The following FADS6 variants were observed in gnomAD, a reference collection of about 807,000 sequenced individuals.
The protein encoded by FADS6 is fatty acid desaturase domain family, member 6.
Under a neutral mutation model 31.7 loss-of-function variants are expected in FADS6, and 28 were observed. The ratio of observed to expected loss-of-function variants is 0.88; its 90% CI spans 0.66 to 1.21. The LOEUF (loss-of-function observed/expected upper bound fraction) is 1.21, where lower values mean the gene tolerates loss of function less well. Ranked by LOEUF, FADS6 falls within the 50% of genes most tolerant of loss-of-function variation. The pLI is 0.00. For missense variants in FADS6, 494 were observed against 504.2 expected, an observed-to-expected ratio of 0.98 and a Z score of 0.19; for synonymous variants, 191 against 213.1, an observed-to-expected ratio of 0.90 and a Z score of 0.90.
rs776083045 is a variant in FADS6 at position 74,892,580 on chromosome 17, A to G, written c.354T>C (p.His118=). 2 of 1,613,504 alleles carry G rather than the reference A, an allele frequency of 1.2e-6. No homozygotes were observed. The highest frequency in any genetic ancestry group is 2.2e-5 in the East Asian group (1 of 44,864). ...LTVKGSHLAT[H]GALTESKRWS... The stretch of plus-strand genomic sequence containing the variant: ...AGCGTTTGGACTCGGTGAGGGCCCC[A>G]TGAGTGGCCAGGTGGCTGCCCTTGA... Residue 118 remains histidine, a synonymous_variant, in exon 2 of 6, where the codon CAT becomes CAC. Transcript: ENST00000612771.
Position 74,892,827 on chromosome 17 carries a change from G to T in FADS6, c.245-138C>A, listed in dbSNP as rs1017971347. On this transcript the variant is annotated intron_variant, in intron 1 of 5. Transcript: ENST00000612771. ...GCTGCCACTGGCCGGAGTGAGGCAGGTCCCACTGTGGCCTGAGGGGAACCA... is the reference window on the plus strand; with the variant it reads ...GCTGCCACTGGCCGGAGTGAGGCAGTTCCCACTGTGGCCTGAGGGGAACCA... 7.2e-6 allele frequency: 6 copies of T among 838,924 alleles called. No homozygotes were observed. In the Admixed American group the frequency reaches 1.2e-4, roughly 16 times the overall value. 52.0% of individuals were successfully genotyped at this position (838,924 alleles called of 1,614,324 possible). A position where few individuals can be genotyped will look rare whatever the true frequency, so the allele number is the denominator to read the frequency against.
intron 4 of FADS6, 77 bp from the exon 5 acceptor site, chr17:74,879,660 A>G (rs1648416608): frequency 6.8e-7 from 1 of 1,464,738 alleles, no homozygotes; most frequent in African/African-American, 1.4e-5. Context: ...ACCTCATGCT[A>G]CCCAGAGGGT....
In FADS6 at chr17:74,892,201, C is replaced by G. The variant is rs1319104320; in HGVS notation, c.411+322G>C. Among the ~76,000 whole-genome samples the G allele has an allele frequency of 4.6e-5, 7 of 152,296 alleles. No homozygotes were observed. The South Asian group carries it at 1.2e-3, about 27-fold the overall frequency. On this transcript the variant is annotated intron_variant, in intron 2 of 5. Coordinates refer to ENST00000612771, the MANE Select transcript of FADS6 (RefSeq NM_178128.6). ...TTGTGGACACTGGGCCCCTCCTCCC[C>G]CTCCCTTTCTGTCTGTGGGTCACAT...
intron 5 of FADS6, 36 bp from the exon 6 acceptor site, chr17:74,878,513 G>C (rs201088221): frequency 1.2e-5 from 20 of 1,608,668 alleles, no homozygotes; most frequent in Non-Finnish European, 1.5e-5. Context: ...CCTATGAGCA[G>C]GGGCTGTGGG....
At chr17:74,881,563 G>C (rs1350195004) in intron 3 of FADS6, among the ~76,000 whole-genome samples, 1 of 151,772 alleles carries the variant, frequency 6.6e-6, no homozygotes, top group African/African-American at 2.4e-5. Context: ...GCTGGGCGTC[G>C]TGGCGCACAC....
chr17:74,883,414 T>C (rs1254136067), intron 2 of FADS6, among the ~76,000 whole-genome samples: 1 of 152,200 alleles, frequency 6.6e-6, no homozygotes, highest in Non-Finnish European at 1.5e-5. Context: ...CCTCTTCCGA[T>C]ATTTTATCTA....
rs372130393 is a variant in FADS6, at chr17:74,879,494, G to A, written c.870C>T (p.Pro290=). Residue 290 remains proline (P), a synonymous_variant, in exon 5 of 6, where the codon CCC becomes CCT. Coordinates refer to ENST00000612771, the MANE Select transcript of FADS6 (RefSeq NM_178128.6). ...AGTGGCCGAACGCCCAGTCCAGCAC[G>A]GGCAGCCGGGCCAGGTTAAGCACCC... ...SLGVLNLARL[P]VLDWAFGHSI... 24 of 1,613,756 alleles carry A rather than the reference G, an allele frequency of 1.5e-5. No homozygotes were observed. Among genetic ancestry groups the A allele is most frequent in the African/African-American group, 5.3e-5 (4 of 74,914 alleles).
chr17:74,888,149 CACACA>C (rs2038646555), intron 2 of FADS6, among the ~76,000 whole-genome samples: 4 of 107,334 alleles, frequency 3.7e-5, no homozygotes, highest in East Asian at 6.6e-4. Flanking sequence ...CACACACACA[CACACA>C]CGCGCGCGCG....
Position 74,878,218 on chromosome 17 carries a change from T to C in FADS6, c.*113A>G. ...CCTGCCCCCCTGCCTGGCCGGTGCCTCCACTCTCCAGGTCCACCACCAGCC... is the reference window on the plus strand; with the variant it reads ...CCTGCCCCCCTGCCTGGCCGGTGCCCCCACTCTCCAGGTCCACCACCAGCC... On this transcript the variant is annotated 3_prime_UTR_variant, in exon 6 of 6. Transcript: ENST00000612771. 6.9e-7 allele frequency: 1 copy of C among 1,450,886 alleles called. No individual in the cohort carries two copies. The highest frequency in any genetic ancestry group is 9.1e-7 in the Non-Finnish European group (1 of 1,103,826). The allele number at this position is 1,450,886 out of a possible 1,614,324, so 89.9% of individuals were successfully genotyped here.
chr17:74,880,957 C>T (rs1356207465), intron 4 of FADS6, 111 bp downstream of exon 4: 32 of 1,140,252 alleles, frequency 2.8e-5, no homozygotes, highest in Non-Finnish European at 3.8e-5. Flanking sequence ...GGGAGGATGC[C>T]TCATCCTTCA....
In FADS6 at chr17:74,879,476, G is replaced by A. The variant is rs756928216; in HGVS notation, c.888C>T (p.Phe296=). The A allele has an allele frequency of 1.9e-5, 31 of 1,613,786 alleles. No individual in the cohort carries two copies. The highest frequency in any genetic ancestry group is 1.6e-4 in the Middle Eastern group (1 of 6,080). ...LARLPVLDWA[F]GHSIISCHVE... is the part of the protein sequence containing the mutation. ...CATGGCAGCTGATGATCGAGTGGCC[G>A]AACGCCCAGTCCAGCACGGGCAGCC... is the stretch of plus-strand genomic sequence containing the variant. Residue 296 remains phenylalanine (F), a synonymous_variant, in exon 5 of 6, where the codon TTC becomes TTT. Coordinates refer to ENST00000612771, the MANE Select transcript of FADS6 (RefSeq NM_178128.6).
chr17:74,887,927 C>T (rs889229743), intron 2 of FADS6, among the ~76,000 whole-genome samples: 2 of 152,100 alleles, frequency 1.3e-5, no homozygotes, highest in Non-Finnish European at 1.5e-5. Flanking sequence ...ACCTCGTGAT[C>T]CACCCTCCTC....
At chr17:74,887,423 C>T (rs1384346351) in intron 2 of FADS6, among the ~76,000 whole-genome samples, 1 of 152,184 alleles carries the variant, frequency 6.6e-6, no homozygotes, top group East Asian at 1.9e-4. Flanking sequence ...GTCCAATGTC[C>T]CTGCCCTGCT....
chr17:74,884,924 G>A (rs953367211), intron 2 of FADS6, among the ~76,000 whole-genome samples: 4 of 152,054 alleles, frequency 2.6e-5, no homozygotes, highest in Non-Finnish European at 5.9e-5. Context: ...GGCCAGACTG[G>A]TCTCGAACTC....
rs2038710057 is a variant in FADS6 at position 74,893,110 on chromosome 17, C to CCTCCTGCCATCAGACCCCTCCCT, written c.244+241_244+242insAGGGAGGGGTCTGATGGCAGGAG. Among the ~76,000 whole-genome samples the CCTCCTGCCATCAGACCCCTCCCT allele has an allele frequency of 1.3e-3, 198 of 152,058 alleles. 2 individuals carry two copies. The highest frequency in any genetic ancestry group is 4.6e-3 in the African/African-American group (192 of 41,374). The stretch of plus-strand genomic sequence containing the variant: ...CTCCTCTCAACTTTCCCTTCCACCA[C>CCTCCTGCCATCAGACCCCTCCCT]CCTCCTGCGCCCCCTCCTAGGGTAC... On this transcript the variant is annotated intron_variant, in intron 1 of 5. Coordinates refer to ENST00000612771, the MANE Select transcript of FADS6 (RefSeq NM_178128.6).
chr17:74,876,880 A>G (rs2038511687), downstream of FADS6, among the ~76,000 whole-genome samples: 1 of 151,584 alleles, frequency 6.6e-6, no homozygotes, highest in African/African-American at 2.4e-5. Flanking sequence ...TCTCTCCCTC[A>G]GCCTCCACCT....
chr17:74,878,093 A>T lies in FADS6; in HGVS notation c.*238T>A. 2.9e-6 allele frequency: 4 copies of T among 1,379,798 alleles called. No individual in the cohort carries two copies. The highest frequency in any genetic ancestry group is 3.7e-6 in the Non-Finnish European group (4 of 1,066,714). 85.5% of individuals were successfully genotyped at this position (1,379,798 alleles called of 1,614,324 possible). A position where few individuals can be genotyped will look rare whatever the true frequency, so the allele number is the denominator to read the frequency against. Reference sequence around the variant, plus strand: ...GATGAAGTTGCTGAGGTCCAGACTGACCAGAATGCACAGCCACCATTACCG... The same window carrying T: ...GATGAAGTTGCTGAGGTCCAGACTGTCCAGAATGCACAGCCACCATTACCG... On this transcript the variant is annotated 3_prime_UTR_variant, in exon 6 of 6. Coordinates refer to ENST00000612771, the MANE Select transcript of FADS6 (RefSeq NM_178128.6).
intron 2 of FADS6, among the ~76,000 whole-genome samples, chr17:74,890,973 A>C (rs2038682474): frequency 6.6e-6 from 1 of 152,162 alleles, no homozygotes; most frequent in African/African-American, 2.4e-5. Flanking sequence ...ATTCTGCTAC[A>C]CACCGAAGTT....
rs1475777535 is a variant in FADS6 at position 74,877,527 on chromosome 17, G to A, written c.*804C>T. 3 of 196,290 alleles carry A rather than the reference G, an allele frequency of 1.5e-5. No individual in the cohort carries two copies. Among genetic ancestry groups the A allele is most frequent in the African/African-American group, 2.4e-5 (1 of 42,078 alleles). 12.2% of individuals were successfully genotyped at this position (196,290 alleles called of 1,614,324 possible). On this transcript the variant is annotated 3_prime_UTR_variant, in exon 6 of 6. Transcript: ENST00000612771. ...TTTTTGTATTTTTAGTAGAGACGGG[G>A]TTTCACCATGTTGGCCAGGGTGGTC...
Sources: gnomAD v4.1 joint callset for allele counts (sites outside exome capture counted in the v4.1 genomes callset) on GRCh38, gnomAD v4.1.1 for gene constraint, MANE v1.5 for transcripts, NCBI Gene and HGNC (gene_info 2026-07-23, HGNC 2026-07-21) for gene names.